Variants in ACMSD observed in about 807,000 individuals in gnomAD.
ACMSD encodes aminocarboxymuconate semialdehyde decarboxylase, also known as 2-amino-3-carboxymuconate-6-semialdehyde decarboxylase.
A neutral mutation model predicts 45.9 loss-of-function variants in ACMSD; 37 were observed. That is an observed-to-expected ratio of 0.81 (90% CI 0.62 to 1.06). The LOEUF is 1.06. Among genes scored for constraint, ACMSD ranks in the 50% least tolerant of loss-of-function variants. The probability of loss-of-function intolerance (pLI) is 0.00; values close to 1 mark genes in which losing one functional copy is unlikely to be tolerated. For synonymous variants in ACMSD, 138 were observed against 148.8 expected (o/e 0.93, Z 0.53); for missense variants, 434 against 420.9 (o/e 1.03, Z -0.27).
intron 8 of ACMSD, among the ~76,000 whole-genome samples, chr2:134,885,276 TA>T (rs1486213702): frequency 6.5e-5 from 4 of 61,428 alleles, no homozygotes; most frequent in East Asian, 2.2e-3. Context: ...TAAATATATA[TA>T]TTATATATTA....
At chr2:134,900,327 T>C (rs1428816550) in intron 9 of ACMSD, among the ~76,000 whole-genome samples, 1 of 152,206 alleles carries the variant, frequency 6.6e-6, no homozygotes, top group Admixed American at 6.5e-5. Context: ...ATCATCCCTT[T>C]GCCCAGGGTC....
chr2:134,838,760 G>A, intron 1 of ACMSD, 21 bp downstream of exon 1: 1 of 1,583,338 alleles, frequency 6.3e-7, no homozygotes, highest in Non-Finnish European at 8.7e-7. Flanking sequence ...TTAATTTGCT[G>A]AATTATTTCT....
At chr2:134,860,846 C>G (rs983358996) in intron 3 of ACMSD, among the ~76,000 whole-genome samples, 1 of 128,922 alleles carries the variant, frequency 7.8e-6, no homozygotes, top group African/African-American at 3.0e-5. Context: ...ACAGTGAGAC[C>G]CTGTCTCCAC....
At position 134,857,467 on chromosome 2, in the gene ACMSD, G is replaced by T. The variant is rs148629492; in HGVS notation, c.103-1794G>T. 1.6e-4 allele frequency among the ~76,000 whole-genome samples: 24 copies of T among 152,070 alleles called. 2 individuals carry two copies. The highest frequency in any genetic ancestry group is 5.8e-4 in the African/African-American group (24 of 41,488). On this transcript the variant is annotated intron_variant, in intron 2 of 9. Coordinates refer to ENST00000356140, the MANE Select transcript of ACMSD (RefSeq NM_138326.3). ...CGAGAAATAAATAAATAAATAATGG[G>T]ATTGCCTGATATCTTTTGCAGATTG...
Position 134,885,407 on chromosome 2 carries a change from TA to T in ACMSD, c.849+12770del, listed in dbSNP as rs1195293597. Among the ~76,000 whole-genome samples, 235 of 122,356 alleles carry T rather than the reference TA, an allele frequency of 1.9e-3. 4 individuals are homozygous for T. The Middle Eastern group carries it at 0.041, about 21-fold the overall frequency. The allele number at this position is 122,356 out of a possible 152,430, so 80.3% of individuals were successfully genotyped here. A position where few individuals can be genotyped will look rare whatever the true frequency, so the allele number is the denominator to read the frequency against. The stretch of plus-strand genomic sequence containing the variant: ...ATATGTAAATATATATATTTATATA[TA>T]AAATATATATGTAAATATATATAAT... On this transcript the variant is annotated intron_variant, in intron 8 of 9. Transcript: ENST00000356140.
chr2:134,877,110 G>C (rs1358858083), intron 8 of ACMSD, among the ~76,000 whole-genome samples: 1 of 152,116 alleles, frequency 6.6e-6, no homozygotes, highest in Non-Finnish European at 1.5e-5. Flanking sequence ...GGAAGAGATA[G>C]GTTTGTTTAC....
chr2:134,859,110 A>G (rs1010850952), intron 2 of ACMSD, 151 bp from the exon 3 acceptor site: 6 of 693,242 alleles, frequency 8.7e-6, no homozygotes, highest in African/African-American at 7.2e-5. Context: ...AAGAAAGCTG[A>G]TTTTTGTTAA....
chr2:134,896,443 T>C (rs1690155733), intron 8 of ACMSD, among the ~76,000 whole-genome samples: 1 of 152,300 alleles, frequency 6.6e-6, no homozygotes, highest in Middle Eastern at 3.4e-3. Context: ...AAAGATCTCT[T>C]ATAGCTCAAT....
intron 8 of ACMSD, among the ~76,000 whole-genome samples, chr2:134,892,462 AAAATAAATAAATAAAT>A (rs4055120): frequency 1.1e-4 from 17 of 148,472 alleles, no homozygotes; most frequent in African/African-American, 1.7e-4. Flanking sequence ...TGCTGTGGAA[AAAATAAATAAATAAAT>A]AAATAAATAA....
intron 1 of ACMSD, among the ~76,000 whole-genome samples, chr2:134,841,599 C>T (rs1326497882): frequency 1.3e-5 from 2 of 152,126 alleles, no homozygotes; most frequent in Admixed American, 6.5e-5. Context: ...ACACTCTCTG[C>T]TGTCACAAAC....
intron 6 of ACMSD, among the ~76,000 whole-genome samples, chr2:134,868,095 AT>A (rs1688203409): frequency 3.9e-5 from 6 of 152,262 alleles, no homozygotes; most frequent in African/African-American, 1.4e-4. Context: ...TGTCTAGTAA[AT>A]TTTTTAGACG....
At chr2:134,851,833 T>C (rs1042795964) in intron 2 of ACMSD, among the ~76,000 whole-genome samples, 5 of 152,162 alleles carry the variant, frequency 3.3e-5, no homozygotes, top group African/African-American at 1.2e-4. Flanking sequence ...TGGTATCTCA[T>C]TGTGGTTTTG....
At chr2:134,892,701 A>C (rs1412750615) in intron 8 of ACMSD, among the ~76,000 whole-genome samples, 1 of 152,142 alleles carries the variant, frequency 6.6e-6, no homozygotes, top group Non-Finnish European at 1.5e-5. Flanking sequence ...GTAGGAGTGA[A>C]GAAGGATGGA....
At chr2:134,845,509 G>GTCTCTC (rs59782657) in intron 2 of ACMSD, among the ~76,000 whole-genome samples, 4,656 of 94,308 alleles carry the variant, frequency 0.049, 179 homozygotes, top group Middle Eastern at 0.11. Flanking sequence ...ACATTAAAAG[G>GTCTCTC]TCTCTCTCTC....
At chr2:134,848,656 T>C (rs1687192244) in intron 2 of ACMSD, among the ~76,000 whole-genome samples, 1 of 152,210 alleles carries the variant, frequency 6.6e-6, no homozygotes, top group South Asian at 2.1e-4. Flanking sequence ...TTTAAGTTCC[T>C]TATAGATTCT....
intron 8 of ACMSD, among the ~76,000 whole-genome samples, chr2:134,892,334 G>A (rs1230787547): frequency 4.6e-5 from 7 of 151,924 alleles, no homozygotes. Flanking sequence ...CTAGTAAAGG[G>A]AAATTAATAA....
At chr2:134,867,382 T>C in intron 5 of ACMSD, 197 bp from the exon 6 acceptor site, 3 of 385,726 alleles carry the variant, frequency 7.8e-6, no homozygotes, top group Non-Finnish European at 1.4e-5. Flanking sequence ...TAATTCCAAG[T>C]GTCCCTTTTA....
At chr2:134,877,063 G>A (rs1466592632) in intron 8 of ACMSD, among the ~76,000 whole-genome samples, 2 of 152,190 alleles carry the variant, frequency 1.3e-5, no homozygotes, top group African/African-American at 4.8e-5. Flanking sequence ...ATGAGCCACT[G>A]CGCCCAGTCT....
chr2:134,885,255 T>A (rs1559064393), intron 8 of ACMSD, among the ~76,000 whole-genome samples: 2 of 106,958 alleles, frequency 1.9e-5, no homozygotes, highest in Non-Finnish European at 3.4e-5. Flanking sequence ...TATTTATATA[T>A]AATATATATA....
Sources: gnomAD v4.1 joint callset for allele counts (sites outside exome capture counted in the v4.1 genomes callset) on GRCh38, gnomAD v4.1.1 for gene constraint, MANE v1.5 for transcripts, NCBI Gene and HGNC (gene_info 2026-07-23, HGNC 2026-07-21) for gene names.